Variants in UST observed in about 807,000 individuals in gnomAD.
UST encodes uronyl 2-sulfotransferase.
A neutral mutation model predicts 45.6 loss-of-function variants in UST; 21 were observed. The observed-to-expected ratio is 0.46, with a 90% confidence interval of 0.33 to 0.66. UST has a LOEUF of 0.66. Among genes scored for constraint, UST ranks in the 30% least tolerant of loss-of-function variants. The pLI, the probability that UST is intolerant of heterozygous loss-of-function variation, is 0.02. For synonymous variants in UST, 215 were observed against 200.6 expected (o/e 1.07, Z -0.61); for missense variants, 463 against 512.4 (o/e 0.90, Z 0.93).
At chr6:148,876,495 G>A (rs539456926) in intron 1 of UST, among the ~76,000 whole-genome samples, 60 of 152,218 alleles carry the variant, frequency 3.9e-4, no homozygotes, top group African/African-American at 1.4e-3. Context: ...GGCTAGTAGA[G>A]GGCAGGTCTG....
intron 7 of UST, among the ~76,000 whole-genome samples, chr6:149,058,893 A>G (rs1019961866): frequency 2.0e-5 from 3 of 152,162 alleles, no homozygotes; most frequent in African/African-American, 7.2e-5. Flanking sequence ...TGTGCTGAGG[A>G]AAACACACAC....
chr6:148,984,558 G>A (rs1582943244), intron 5 of UST, among the ~76,000 whole-genome samples: 1 of 152,138 alleles, frequency 6.6e-6, no homozygotes, highest in South Asian at 2.1e-4. Flanking sequence ...TTTTAGAGAC[G>A]GGATCTCACT....
At chr6:148,952,975 G>T in intron 3 of UST, among the ~76,000 whole-genome samples, 1 of 152,088 alleles carries the variant, frequency 6.6e-6, no homozygotes, top group East Asian at 1.9e-4. Flanking sequence ...GGCCATAAAA[G>T]TTAGTTTATA....
At chr6:148,949,514 G>T (rs1002545731) in intron 3 of UST, among the ~76,000 whole-genome samples, 3 of 151,762 alleles carry the variant, frequency 2.0e-5, no homozygotes, top group Non-Finnish European at 4.4e-5. Context: ...CAGAAAATGG[G>T]AGTCTGTTTG....
chr6:148,930,710 G>C (rs531107386), intron 2 of UST, among the ~76,000 whole-genome samples: 1 of 152,160 alleles, frequency 6.6e-6, no homozygotes, highest in Non-Finnish European at 1.5e-5. Context: ...GGGCCGTGTG[G>C]AAGGAAGTTA....
intron 5 of UST, among the ~76,000 whole-genome samples, chr6:148,980,187 G>T (rs953105601): frequency 1.3e-5 from 2 of 151,968 alleles, no homozygotes; most frequent in Non-Finnish European, 2.9e-5. Context: ...TTAAAACTTT[G>T]GAATAACCTA....
At chr6:148,788,303 G>A (rs781131446) in intron 1 of UST, among the ~76,000 whole-genome samples, 1 of 152,086 alleles carries the variant, frequency 6.6e-6, no homozygotes, top group Non-Finnish European at 1.5e-5. Flanking sequence ...TGAGATTTGG[G>A]TGAGGACACA....
rs571152728 is a variant in UST at position 148,955,493 on chromosome 6, A to C, written c.527+1542A>C. 4 of 152,358 alleles carry C rather than the reference A, an allele frequency of 2.6e-5. No homozygotes were observed. In the South Asian group the frequency reaches 8.3e-4, roughly 32 times the overall value. 9.4% of individuals were successfully genotyped at this position (152,358 alleles called of 1,614,324 possible). A position where few individuals can be genotyped will look rare whatever the true frequency, so the allele number is the denominator to read the frequency against. On this transcript the variant is annotated intron_variant, in intron 4 of 7. Coordinates refer to ENST00000367463, the MANE Select transcript of UST (RefSeq NM_005715.3). ...CTGGGATGGTAACAGGACTCCTGCA[A>C]ATTTTCCACAGTAATCCAGGGCCAG...
At chr6:148,928,078 G>A (rs755146337) in intron 2 of UST, among the ~76,000 whole-genome samples, 19 of 152,124 alleles carry the variant, frequency 1.2e-4, no homozygotes, top group Admixed American at 1.3e-4. Flanking sequence ...GTTGGACAGT[G>A]GCCTTACCCA....
At chr6:149,011,060 G>A (rs947368715) in intron 5 of UST, among the ~76,000 whole-genome samples, 1 of 119,964 alleles carries the variant, frequency 8.3e-6, no homozygotes, top group African/African-American at 3.4e-5. Context: ...GAGCTCCACT[G>A]GACTAGCGCT....
rs118045509 is a variant in UST at position 148,829,462 on chromosome 6, A to G, written c.248-57524A>G. Among the ~76,000 whole-genome samples, 102 of 152,270 alleles carry G rather than the reference A, an allele frequency of 6.7e-4. No individual in the cohort carries two copies. The East Asian group carries it at 0.012, about 18-fold the overall frequency. ...CGGGCAGAGCACATGGGCTAATTAT[A>G]TATTGTATGAGATTCCAGACACAAG... On this transcript the variant is annotated intron_variant, in intron 1 of 7. Coordinates refer to ENST00000367463, the MANE Select transcript of UST (RefSeq NM_005715.3).
intron 1 of UST, among the ~76,000 whole-genome samples, chr6:148,804,889 G>A (rs565674840): frequency 6.0e-5 from 9 of 150,046 alleles, no homozygotes; most frequent in Middle Eastern, 3.5e-3. Flanking sequence ...AAATATACTG[G>A]CAAAATATAT....
chr6:149,052,752 T>G (rs1776506721), intron 7 of UST, among the ~76,000 whole-genome samples: 1 of 152,262 alleles, frequency 6.6e-6, no homozygotes, highest in Non-Finnish European at 1.5e-5. Flanking sequence ...GTTGAGGTGA[T>G]GTTCATTGAT....
chr6:148,953,398 G>A (rs182928968), intron 3 of UST, among the ~76,000 whole-genome samples: 1 of 152,312 alleles, frequency 6.6e-6, no homozygotes, highest in Non-Finnish European at 1.5e-5. Context: ...AATTTGGATA[G>A]CACTGTTTTA....
intron 5 of UST, among the ~76,000 whole-genome samples, chr6:148,978,946 A>G (rs1781077315): frequency 6.6e-6 from 1 of 152,210 alleles, no homozygotes; most frequent in South Asian, 2.1e-4. Context: ...CTACTAGAGT[A>G]TGATGTCTAG....
chr6:149,069,633 G>C (rs1422714794), intron 7 of UST, among the ~76,000 whole-genome samples: 1 of 152,186 alleles, frequency 6.6e-6, no homozygotes, highest in African/African-American at 2.4e-5. Flanking sequence ...CCTAACCATA[G>C]AGGAAGGCAT....
chr6:148,915,740 G>A (rs1779576944), intron 2 of UST, among the ~76,000 whole-genome samples: 1 of 150,666 alleles, frequency 6.6e-6, no homozygotes. Flanking sequence ...AAAAATAGGG[G>A]AATGCATAAG....
chr6:148,765,730 T>C (rs1776308899), intron 1 of UST, among the ~76,000 whole-genome samples: 1 of 152,146 alleles, frequency 6.6e-6, no homozygotes, highest in South Asian at 2.1e-4. Context: ...AAGACAGGCA[T>C]AAGAAATTAT....
At chr6:148,961,036 G>A (rs576344183) in intron 4 of UST, among the ~76,000 whole-genome samples, 10 of 152,200 alleles carry the variant, frequency 6.6e-5, no homozygotes, top group Admixed American at 1.3e-4. Context: ...TGAGGTGTTC[G>A]GAAATGCCTC....
Sources: allele counts gnomAD v4.1 joint callset (sites outside exome capture counted in the v4.1 genomes callset), GRCh38; gene constraint gnomAD v4.1.1; transcripts MANE v1.5; gene names NCBI Gene and HGNC (gene_info 2026-07-23, HGNC 2026-07-21).